KCNG3: variants seen among roughly 807,000 people sequenced by gnomAD.
KCNG3 encodes the protein voltage-gated potassium channel regulatory subunit KCNG3.
KCNG3 carries 15 observed loss-of-function variants against 29.0 expected under a neutral mutation model. The observed-to-expected ratio is 0.52, with a 90% CI of 0.35 to 0.80. The LOEUF is 0.80. Among genes scored for constraint, KCNG3 ranks in the 30% least tolerant of loss-of-function variants. The pLI, the probability that KCNG3 is intolerant of heterozygous loss-of-function variation, is 0.01. For synonymous variants in KCNG3, 322 were observed against 248.9 expected (o/e 1.29, Z -2.76); for missense variants, 512 against 605.7 (o/e 0.85, Z 1.62).
the KCNG3 span, among the ~76,000 whole-genome samples, chr2:42,393,875 G>A: frequency 3.0e-4 from 45 of 151,916 alleles, no homozygotes; most frequent in African/African-American, 1.1e-3. Flanking sequence ...CCACCTCCCA[G>A]GTTCAAGCAA....
At position 42,444,730 on chromosome 2, in the gene KCNG3, C is replaced by T. The variant is rs557610860; in HGVS notation, c.666-151G>A. 2 of 680,164 alleles carry T rather than the reference C, an allele frequency of 2.9e-6. No individual in the cohort carries two copies. The highest frequency in any genetic ancestry group is 1.8e-5 in the African/African-American group (1 of 55,430). 42.1% of individuals were successfully genotyped at this position (680,164 alleles called of 1,614,324 possible). A position where few individuals can be genotyped will look rare whatever the true frequency, so the allele number is the denominator to read the frequency against. On this transcript the variant is annotated intron_variant, in intron 1 of 1. Coordinates refer to ENST00000306078, the MANE Select transcript of KCNG3 (RefSeq NM_133329.6). The surrounding 1 kb of genome is among the most constrained non-coding windows in gnomAD (Gnocchi z 5.8). ...AGACAACATTAGCAACATCATCAGA[C>T]CACCAGGATGCACGCAACAGAACAA...
chr2:42,405,381 T>C, the KCNG3 span, among the ~76,000 whole-genome samples: 9 of 152,212 alleles, frequency 5.9e-5, no homozygotes, highest in Non-Finnish European at 4.4e-5. Context: ...TTTGTGGTTT[T>C]ATCTTTATTC....
intron 1 of KCNG3, among the ~76,000 whole-genome samples, chr2:42,491,871 G>A (rs1314972052): frequency 6.6e-6 from 1 of 152,140 alleles, no homozygotes; most frequent in Non-Finnish European, 1.5e-5. Context: ...ATGAATGGAA[G>A]GAGGATCTTA....
At chr2:42,473,174 G>C (rs999406237) in intron 1 of KCNG3, among the ~76,000 whole-genome samples, 1 of 151,936 alleles carries the variant, frequency 6.6e-6, no homozygotes, top group Non-Finnish European at 1.5e-5. Flanking sequence ...GAGATTACAG[G>C]TGTGAGCCAC....
At chr2:42,475,180 T>C (rs1481870212) in intron 1 of KCNG3, among the ~76,000 whole-genome samples, 3 of 152,152 alleles carry the variant, frequency 2.0e-5, no homozygotes, top group African/African-American at 7.2e-5. Flanking sequence ...TGTTTAAAAT[T>C]TCCTGTGCTA....
Position 42,493,774 on chromosome 2 carries a change from C to T in KCNG3, c.-273G>A, listed in dbSNP as rs1572873963. On this transcript the variant is annotated 5_prime_UTR_variant, in exon 1 of 2. Coordinates refer to ENST00000306078, the MANE Select transcript of KCNG3 (RefSeq NM_133329.6). ...AGCGCTGAGCCCCACCGGCTGGGAACGCGGCTGTGTCCGCGCCGCCGACCC... is the reference window on the plus strand; with the variant it reads ...AGCGCTGAGCCCCACCGGCTGGGAATGCGGCTGTGTCCGCGCCGCCGACCC... 2 of 298,270 alleles carry T rather than the reference C, an allele frequency of 6.7e-6. No individual in the cohort carries two copies. Among genetic ancestry groups the T allele is most frequent in the African/African-American group, 4.4e-5 (2 of 45,532 alleles). 18.5% of individuals were successfully genotyped at this position (298,270 alleles called of 1,614,324 possible).
At chr2:42,488,843 C>A (rs1020137182) in intron 1 of KCNG3, among the ~76,000 whole-genome samples, 1 of 152,002 alleles carries the variant, frequency 6.6e-6, no homozygotes, top group African/African-American at 2.4e-5. Context: ...AGCCACCACG[C>A]CTGGCCCCAA....
chr2:42,402,448 G>A, the KCNG3 span, among the ~76,000 whole-genome samples: 3 of 152,204 alleles, frequency 2.0e-5, no homozygotes, highest in African/African-American at 7.2e-5. Context: ...CACTTTGGGA[G>A]GCCAAGGTGG....
intron 1 of KCNG3, among the ~76,000 whole-genome samples, chr2:42,449,663 G>A (rs547621698): frequency 1.8e-4 from 28 of 151,862 alleles, no homozygotes; most frequent in South Asian, 1.7e-3. Context: ...GATTACAGGC[G>A]CGCACCACCA....
the KCNG3 span, among the ~76,000 whole-genome samples, chr2:42,421,939 C>T: frequency 1.3e-5 from 2 of 152,072 alleles, no homozygotes; most frequent in East Asian, 3.8e-4. Flanking sequence ...GTGATTGTAA[C>T]ATATAGTCAT....
At chr2:42,458,465 C>A (rs560456482) in intron 1 of KCNG3, among the ~76,000 whole-genome samples, 1 of 152,114 alleles carries the variant, frequency 6.6e-6, no homozygotes, top group Non-Finnish European at 1.5e-5. Context: ...GACTGATGAC[C>A]CCCTACAAAG....
At chr2:42,467,297 T>C (rs1673164605) in intron 1 of KCNG3, among the ~76,000 whole-genome samples, 1 of 152,144 alleles carries the variant, frequency 6.6e-6, no homozygotes, top group East Asian at 1.9e-4. Flanking sequence ...TTCTATCATA[T>C]ACCAAGCATG....
chr2:42,417,601 C>A, the KCNG3 span, among the ~76,000 whole-genome samples: 1 of 152,156 alleles, frequency 6.6e-6, no homozygotes, highest in Non-Finnish European at 1.5e-5. Flanking sequence ...GGACTACAGG[C>A]GTGAGCCACC....
At chr2:42,491,915 G>C (rs1338031849) in intron 1 of KCNG3, among the ~76,000 whole-genome samples, 1 of 152,190 alleles carries the variant, frequency 6.6e-6, no homozygotes, top group Admixed American at 6.5e-5. Context: ...ATAATATGCA[G>C]TTTGGGTTTT....
At chr2:42,454,843 C>A (rs1001391688) in intron 1 of KCNG3, among the ~76,000 whole-genome samples, 1 of 152,032 alleles carries the variant, frequency 6.6e-6, no homozygotes, top group Non-Finnish European at 1.5e-5. Flanking sequence ...CTAAACTAGT[C>A]AAATTCACAG....
At chr2:42,485,061 C>T (rs1673686620) in intron 1 of KCNG3, among the ~76,000 whole-genome samples, 2 of 152,056 alleles carry the variant, frequency 1.3e-5, no homozygotes, top group Non-Finnish European at 1.5e-5. Context: ...GAAAGGCAAT[C>T]GAAATAATAT....
At chr2:42,492,207 T>C (rs1189209159) in intron 1 of KCNG3, among the ~76,000 whole-genome samples, 1 of 152,196 alleles carries the variant, frequency 6.6e-6, no homozygotes, top group African/African-American at 2.4e-5. Flanking sequence ...AGTCGCAGTG[T>C]GAATCTTTGC....
the KCNG3 span, among the ~76,000 whole-genome samples, chr2:42,402,248 T>C: frequency 6.6e-6 from 1 of 152,254 alleles, no homozygotes; most frequent in Non-Finnish European, 1.5e-5. Context: ...ACTGGGTTTC[T>C]AGGTTCTCCA....
downstream of KCNG3, among the ~76,000 whole-genome samples, chr2:42,439,256 TATA>T (rs1400011978): frequency 6.6e-6 from 1 of 151,246 alleles, no homozygotes; most frequent in Non-Finnish European, 1.5e-5. Flanking sequence ...TTATTGTATA[TATA>T]TATATATGAT....
Sources: gnomAD v4.1 joint callset for allele counts (sites outside exome capture counted in the v4.1 genomes callset) on GRCh38, gnomAD v4.1.1 for gene constraint, Gnocchi (gnomAD v3.1) non-coding constraint, MANE v1.5 for transcripts, NCBI Gene and HGNC (gene_info 2026-07-23, HGNC 2026-07-21) for gene names.